The following NEXMIF variants were observed in gnomAD, a reference collection of about 807,000 sequenced individuals.
The protein encoded by NEXMIF is XLMR protein related to neurite extension.
Under a neutral mutation model 62.1 loss-of-function variants are expected in NEXMIF, and 8 were observed. The observed-to-expected ratio is 0.13, with a 90% CI of 0.08 to 0.23. NEXMIF has a LOEUF of 0.23. Among genes scored for constraint, NEXMIF ranks in the 10% least tolerant of loss-of-function variants. The pLI, the probability that NEXMIF is intolerant of heterozygous loss-of-function variation, is 1.00. For synonymous variants in NEXMIF, 404 were observed against 416.6 expected (o/e 0.97, Z 0.37); for missense variants, 976 against 1,113.3 (o/e 0.88, Z 1.75).
At chrX:74,904,198 C>T (rs1291624196) in intron 1 of NEXMIF, among the ~76,000 whole-genome samples, 1 of 110,847 alleles carries the variant, frequency 9.0e-6, no homozygotes, top group East Asian at 2.8e-4. Flanking sequence ...GACCCTTGGT[C>T]ACACCCTAGG....
intron 1 of NEXMIF, among the ~76,000 whole-genome samples, chrX:74,815,209 T>C (rs1253481425): frequency 8.9e-6 from 1 of 112,062 alleles, no homozygotes; most frequent in African/African-American, 3.2e-5. Context: ...TCAAAGCTAA[T>C]TGAAATAAAT....
intron 1 of NEXMIF, among the ~76,000 whole-genome samples, chrX:74,871,727 T>A (rs932277253): frequency 1.6e-4 from 18 of 111,417 alleles, no homozygotes; most frequent in African/African-American, 5.6e-4. Context: ...AGAAGAAAAA[T>A]ATGTCTCTAT....
At chrX:74,865,921 G>A (rs765076135) in intron 1 of NEXMIF, among the ~76,000 whole-genome samples, 1 of 111,643 alleles carries the variant, frequency 9.0e-6, no homozygotes, top group Non-Finnish European at 1.9e-5. Context: ...TGCTGCCGGG[G>A]TGGGGCCCTC....
chrX:74,874,746 T>C (rs1198553730), intron 1 of NEXMIF, among the ~76,000 whole-genome samples: 2 of 92,850 alleles, frequency 2.2e-5, no homozygotes, highest in African/African-American at 8.2e-5. Context: ...TTTTATTCTC[T>C]TTGAAGCAAT....
At chrX:74,885,690 C>T (rs769768603) in intron 1 of NEXMIF, among the ~76,000 whole-genome samples, 1 of 111,532 alleles carries the variant, frequency 9.0e-6, no homozygotes, top group African/African-American at 3.3e-5. Flanking sequence ...AGGGACCAGA[C>T]GGATTCACAG....
chrX:74,833,691 C>T (rs1331318996), intron 1 of NEXMIF, among the ~76,000 whole-genome samples: 2 of 111,017 alleles, frequency 1.8e-5, no homozygotes, highest in African/African-American at 6.6e-5. Flanking sequence ...AGGTGATTTT[C>T]TCTGGTGGTA....
At chrX:74,824,043 C>T (rs945238579) in intron 1 of NEXMIF, among the ~76,000 whole-genome samples, 8 of 111,012 alleles carry the variant, frequency 7.2e-5, no homozygotes, top group African/African-American at 2.3e-4. Context: ...CCAGTTGGTC[C>T]TCATACCATT....
At chrX:74,868,006 G>A (rs1218509379) in intron 1 of NEXMIF, among the ~76,000 whole-genome samples, 1 of 111,692 alleles carries the variant, frequency 9.0e-6, no homozygotes, top group Non-Finnish European at 1.9e-5. Flanking sequence ...CACTCACATG[G>A]CCAAGAGACA....
intron 1 of NEXMIF, among the ~76,000 whole-genome samples, chrX:74,771,897 T>C (rs1403730418): frequency 8.9e-6 from 1 of 111,739 alleles, no homozygotes; most frequent in Non-Finnish European, 1.9e-5. Flanking sequence ...TGGTAGTACT[T>C]ATCTTCTTCT....
At chrX:74,887,158 A>G (rs1412868603) in intron 1 of NEXMIF, among the ~76,000 whole-genome samples, 3 of 112,490 alleles carry the variant, frequency 2.7e-5, no homozygotes, top group Non-Finnish European at 5.6e-5. Flanking sequence ...TTCAAGATGG[A>G]TTAAAGACTT....
At chrX:74,794,658 G>A (rs779093152) in intron 1 of NEXMIF, among the ~76,000 whole-genome samples, 1 of 112,283 alleles carries the variant, frequency 8.9e-6, no homozygotes, top group South Asian at 3.8e-4. Flanking sequence ...TCCAAGCCAG[G>A]TGCGGGATAT....
At chrX:74,905,450 C>T (rs1203621037) in intron 1 of NEXMIF, among the ~76,000 whole-genome samples, 1 of 112,136 alleles carries the variant, frequency 8.9e-6, no homozygotes, top group Non-Finnish European at 1.9e-5. Context: ...TTTTATTTCT[C>T]CAAGTAGAGA....
intron 1 of NEXMIF, among the ~76,000 whole-genome samples, chrX:74,923,265 T>G (rs2080833090): frequency 9.0e-6 from 1 of 111,713 alleles, no homozygotes; most frequent in Non-Finnish European, 1.9e-5. Context: ...AGCAAATACG[T>G]TTTTGTTGTT....
intron 1 of NEXMIF, among the ~76,000 whole-genome samples, chrX:74,854,970 AT>A (rs1274573776): frequency 2.7e-5 from 3 of 111,920 alleles, no homozygotes; most frequent in Admixed American, 9.5e-5. Flanking sequence ...AAAAATTAAT[AT>A]TTTTCCAATG....
chrX:74,871,826 T>G (rs1261270246), intron 1 of NEXMIF, among the ~76,000 whole-genome samples: 2 of 111,724 alleles, frequency 1.8e-5, no homozygotes, highest in African/African-American at 6.5e-5. Flanking sequence ...CAGGGTGCAC[T>G]GGTTTCATAT....
chrX:74,789,175 C>G (rs1289128545), intron 1 of NEXMIF, among the ~76,000 whole-genome samples: 3 of 94,917 alleles, frequency 3.2e-5, no homozygotes, highest in African/African-American at 1.2e-4. Flanking sequence ...CTTCCTGTGT[C>G]CATGTGTTCT....
intron 1 of NEXMIF, among the ~76,000 whole-genome samples, chrX:74,879,631 GA>G (rs1163572916): frequency 8.9e-6 from 1 of 112,138 alleles, no homozygotes; most frequent in African/African-American, 3.2e-5. Flanking sequence ...CCCATTTCAA[GA>G]ATGTACTGAC....
At position 74,744,184 on chromosome X, in the gene NEXMIF, T is replaced by C. The variant is rs1488723000; in HGVS notation, c.373A>G (p.Ile125Val). 8.3e-7 allele frequency: 1 copy of C among 1,211,210 alleles called. No individual in the cohort carries two copies. Among genetic ancestry groups the C allele is most frequent in the Non-Finnish European group, 1.1e-6 (1 of 895,022 alleles). Reference sequence around the variant, plus strand: ...GCTGACATGCCTGCAGGCTCCATTATGGCAAATGGAGCTTTCTCACATTCA... The same window carrying C: ...GCTGACATGCCTGCAGGCTCCATTACGGCAAATGGAGCTTTCTCACATTCA... ...PNECEKAPFA[I>V]MEPAGMSALN... The change falls in exon 3 of 4, where the codon ATA becomes GTA. Residue 125 changes from isoleucine (I) to valine (V), a missense_variant. By Grantham distance (29) the Ile-to-Val change is conservative. Around this residue, in one of 5 missense-constraint regions of NEXMIF, gnomAD observed 126 missense variants for 146.5 expected, o/e 0.86. Transcript: ENST00000055682.
rs186656172 is a variant in NEXMIF at position 74,853,296 on chromosome X, G to C, written c.-48+71587C>G. On this transcript the variant is annotated intron_variant, in intron 1 of 3. Coordinates refer to ENST00000055682, the MANE Select transcript of NEXMIF (RefSeq NM_001008537.3). ...CAGTGATTGATTTACATAGGGCTCA[G>C]GGGATTGGGTTTACCAGGTGTGCCA... Among the ~76,000 whole-genome samples, 502 of 109,919 alleles carry C rather than the reference G, an allele frequency of 4.6e-3. 4 individuals carry two copies. The highest frequency in any genetic ancestry group is 0.013 in the African/African-American group (389 of 30,201).
Sources: allele counts gnomAD v4.1 joint callset (sites outside exome capture counted in the v4.1 genomes callset), GRCh38; gene constraint gnomAD v4.1.1; regional missense constraint gnomAD v4.1.1; transcripts MANE v1.5; gene names NCBI Gene and HGNC (gene_info 2026-07-23, HGNC 2026-07-21).